Variants in BUD13 observed in about 807,000 individuals in gnomAD.
BUD13 encodes BUD13 homolog.
Under a neutral mutation model 62.5 loss-of-function variants are expected in BUD13, and 47 were observed. The ratio of observed to expected loss-of-function variants is 0.75; its 90% CI spans 0.60 to 0.96. BUD13 has a LOEUF of 0.96. Ranked by LOEUF, BUD13 falls within the 40% of genes least tolerant of loss-of-function variation. The pLI, the probability that BUD13 is intolerant of heterozygous loss-of-function variation, is 0.00. For synonymous variants in BUD13, 293 were observed against 280.1 expected, an observed-to-expected ratio of 1.05 and a Z score of -0.46; for missense variants, 821 against 790.9, an observed-to-expected ratio of 1.04 and a Z score of -0.46.
intron 1 of BUD13, 138 bp from the exon 2 acceptor site, chr11:116,770,360 T>C: frequency 1.6e-6 from 1 of 639,988 alleles, no homozygotes; most frequent in Non-Finnish European, 2.5e-6. Flanking sequence ...GTCAACTTCA[T>C]CTCCTACTGC....
intron 5 of BUD13, among the ~76,000 whole-genome samples, chr11:116,759,606 A>T (rs1334434055): frequency 6.6e-6 from 1 of 152,234 alleles, no homozygotes; most frequent in Non-Finnish European, 1.5e-5. Context: ...TGGTAATAAC[A>T]GAAGATCTAA....
chr11:116,748,497 A>G lies in BUD13; in HGVS notation c.1845T>C (p.Ser615=), dbSNP rs749998303. The change falls in exon 10 of 10, where the codon AGT becomes AGC. Residue 615 remains serine, a synonymous_variant. Coordinates refer to ENST00000260210, the MANE Select transcript of BUD13 (RefSeq NM_032725.4). The part of the protein sequence containing the change: ...KAVEELAYKW[S]VEDM ...CTCAGGAAAGTTACATATCCTCAAC[A>G]CTCCATTTGTAGGCAAGTTCCTCCA... 3 of 1,614,004 alleles carry G rather than the reference A, an allele frequency of 1.9e-6. No individual in the cohort carries two copies. The highest frequency in any genetic ancestry group is 1.7e-5 in the Admixed American group (1 of 59,996).
At chr11:116,758,002 T>C in intron 7 of BUD13, 52 bp from the exon 8 acceptor site, 1 of 1,598,012 alleles carries the variant, frequency 6.3e-7, no homozygotes, top group Non-Finnish European at 8.5e-7. Context: ...CATTTCCACT[T>C]CTACACGAGA....
chr11:116,751,458 G>C (rs1940231965), intron 9 of BUD13, among the ~76,000 whole-genome samples: 1 of 152,038 alleles, frequency 6.6e-6, no homozygotes, highest in Non-Finnish European at 1.5e-5. Context: ...GTGAAACCCT[G>C]TCTCTACTAA....
intron 5 of BUD13, 58 bp from the exon 6 acceptor site, chr11:116,759,237 A>G: frequency 8.4e-7 from 1 of 1,190,424 alleles, no homozygotes; most frequent in South Asian, 1.2e-5. Context: ...AGTAGGCTCC[A>G]TGGGTACACA....
chr11:116,756,584 T>C (rs1159353369), intron 9 of BUD13, among the ~76,000 whole-genome samples: 10 of 152,074 alleles, frequency 6.6e-5, no homozygotes, highest in Non-Finnish European at 1.5e-4. Context: ...ACTAAAACAA[T>C]GTCCTTTAGT....
intron 5 of BUD13, 72 bp from the exon 6 acceptor site, chr11:116,759,251 A>G: frequency 9.6e-7 from 1 of 1,037,402 alleles, no homozygotes; most frequent in Non-Finnish European, 1.5e-6. Context: ...GTACACAGTT[A>G]GTTGCATTTG....
rs1940657082 is a variant in BUD13 at position 116,772,869 on chromosome 11, G to C, written c.96C>G (p.Arg32=). The C allele has an allele frequency of 1.3e-6, 2 of 1,591,684 alleles. No homozygotes were observed. The highest frequency in any genetic ancestry group is 1.4e-5 in the African/African-American group (1 of 73,452). Reference sequence around the variant, plus strand: ...GCTTCGGCCGCTTTTTGCGACGCTTGCGACCGGACTCAGATCCCCGGTCGA... The same window carrying C: ...GCTTCGGCCGCTTTTTGCGACGCTTCCGACCGGACTCAGATCCCCGGTCGA... ...AGVDRGSESG[R]KRRKKRPKPG... is the part of the protein sequence containing the mutation. Residue 32 remains arginine, a synonymous_variant, in exon 1 of 10, where the codon CGC becomes CGG. Coordinates refer to ENST00000260210, the MANE Select transcript of BUD13 (RefSeq NM_032725.4).
chr11:116,769,612 T>C (rs1256032893), intron 2 of BUD13, among the ~76,000 whole-genome samples: 2 of 152,210 alleles, frequency 1.3e-5, no homozygotes, highest in Non-Finnish European at 2.9e-5. Context: ...ATCTCATTTC[T>C]AGGCTGATGG....
At chr11:116,767,146 C>T (rs1940545147) in intron 2 of BUD13, among the ~76,000 whole-genome samples, 1 of 151,448 alleles carries the variant, frequency 6.6e-6, no homozygotes, top group South Asian at 2.1e-4. Context: ...CAAGATTGAG[C>T]CACTGCACTC....
chr11:116,758,063 C>T, intron 7 of BUD13, 113 bp from the exon 8 acceptor site: 1 of 1,441,442 alleles, frequency 6.9e-7, no homozygotes, highest in South Asian at 1.3e-5. Context: ...TACCCTAGGG[C>T]AAATACTGAG....
At position 116,759,058 on chromosome 11, in the gene BUD13, A is replaced by G. The variant is rs757514920; in HGVS notation, c.1360+16T>C. ...AGTATGAGCCTAAATTGGTCTCTGC[A>G]CTTTCATATTTTTACCTTCAAATGC... is the stretch of plus-strand genomic sequence containing the variant. On this transcript the variant is annotated intron_variant, in intron 6 of 9. Transcript: ENST00000260210. 1.3e-6 allele frequency: 2 copies of G among 1,576,306 alleles called. No homozygotes were observed. Among genetic ancestry groups the G allele is most frequent in the Non-Finnish European group, 1.7e-6 (2 of 1,146,856 alleles).
intron 9 of BUD13, among the ~76,000 whole-genome samples, chr11:116,753,207 G>C (rs1940269457): frequency 3.3e-5 from 5 of 152,320 alleles, no homozygotes; most frequent in Admixed American, 2.6e-4. Flanking sequence ...AAAGCCACAG[G>C]CTTACTGGCT....
At chr11:116,749,847 G>A (rs1279975153) in intron 9 of BUD13, among the ~76,000 whole-genome samples, 6 of 152,130 alleles carry the variant, frequency 3.9e-5, no homozygotes, top group Admixed American at 3.3e-4. Flanking sequence ...AAAGAGGGAC[G>A]GAAGAGAGAA....
chr11:116,749,692 C>A (rs991927353), intron 9 of BUD13, among the ~76,000 whole-genome samples: 2 of 152,050 alleles, frequency 1.3e-5, no homozygotes, highest in Non-Finnish European at 2.9e-5. Flanking sequence ...GCTGCGTAGG[C>A]CATGGTAAAA....
intron 9 of BUD13, among the ~76,000 whole-genome samples, chr11:116,750,209 G>C (rs1251915431): frequency 3.3e-5 from 5 of 152,176 alleles, no homozygotes; most frequent in African/African-American, 1.2e-4. Flanking sequence ...CTTAAGAGGT[G>C]CACAGAGGAA....
chr11:116,758,015 G>GA (rs1940362175), intron 7 of BUD13, 65 bp from the exon 8 acceptor site: 2 of 1,576,182 alleles, frequency 1.3e-6, no homozygotes, highest in Admixed American at 1.8e-5. Context: ...ACACGAGATG[G>GA]ACCATACTGC....
Position 116,772,950 on chromosome 11 carries a change from C to T in BUD13, c.15G>A (p.Pro5=), listed in dbSNP as rs1940659645. MAAA[P]PLSKAEYLKR... is the part of the protein sequence containing the mutation. ...TCAGATACTCGGCCTTGGAAAGCGG[C>T]GGAGCTGCCGCCATGGCAGCGGCGG... Residue 5 remains proline (P), a synonymous_variant, in exon 1 of 10, where the codon CCG becomes CCA. Transcript: ENST00000260210. 1 of 1,561,626 alleles carries T rather than the reference C, an allele frequency of 6.4e-7. No homozygotes were observed. The highest frequency in any genetic ancestry group is 8.7e-7 in the Non-Finnish European group (1 of 1,152,098).
intron 9 of BUD13, among the ~76,000 whole-genome samples, chr11:116,750,711 T>A (rs1479090724): frequency 6.6e-6 from 1 of 152,242 alleles, no homozygotes; most frequent in Non-Finnish European, 1.5e-5. Flanking sequence ...ACCTTTCAAA[T>A]CCTTCATATT....
Sources: allele counts gnomAD v4.1 joint callset (sites outside exome capture counted in the v4.1 genomes callset), GRCh38; gene constraint gnomAD v4.1.1; transcripts MANE v1.5; gene names NCBI Gene and HGNC (gene_info 2026-07-23, HGNC 2026-07-21).